Variants in ESR1 observed in about 807,000 individuals in gnomAD.
ESR1 encodes the protein estrogen receptor.
In ESR1, 12 loss-of-function variants were observed where a neutral mutation model predicts 52.7. The ratio of observed to expected loss-of-function variants is 0.23; its 90% CI spans 0.15 to 0.37. The LOEUF is 0.37. Among genes scored for constraint, ESR1 ranks in the 10% least tolerant of loss-of-function variants. The probability of loss-of-function intolerance (pLI) is 1.00; values close to 1 mark genes in which losing one functional copy is unlikely to be tolerated. For missense variants in ESR1, 584 were observed against 779.7 expected, an observed-to-expected ratio of 0.75 and a Z score of 2.99; for synonymous variants, 305 against 316.8, an observed-to-expected ratio of 0.96 and a Z score of 0.39.
At chr6:151,739,652 C>T (rs1006809146) in intron 2 of ESR1, among the ~76,000 whole-genome samples, 10 of 152,318 alleles carry the variant, frequency 6.6e-5, no homozygotes, top group South Asian at 6.2e-4. Context: ...ATGATAACCC[C>T]GAACCCCTTT....
chr6:151,672,681 C>T (rs2115259187), intron 1 of ESR1, among the ~76,000 whole-genome samples: 1 of 152,016 alleles, frequency 6.6e-6, no homozygotes, highest in South Asian at 2.1e-4. Context: ...CCATGTTGGC[C>T]ATCCTGGTCT....
exon 7 of ESR1, chr6:152,127,140 C>T (rs757505546): frequency 2.0e-5 from 3 of 152,090 alleles, no homozygotes; most frequent in Non-Finnish European, 4.4e-5. Flanking sequence ...CCTAAACTAC[C>T]TGAGGCAGCC....
intron 2 of ESR1, among the ~76,000 whole-genome samples, chr6:151,753,523 G>A (rs1379286240): frequency 6.6e-6 from 1 of 152,034 alleles, no homozygotes; most frequent in Non-Finnish European, 1.5e-5. Flanking sequence ...TCACCGTGTT[G>A]ACTAGGGTGG....
intron 1 of ESR1, among the ~76,000 whole-genome samples, chr6:151,693,548 C>T (rs1396931392): frequency 6.6e-6 from 1 of 152,204 alleles, no homozygotes; most frequent in Non-Finnish European, 1.5e-5. Context: ...GCTTCACATT[C>T]CCTTTCACAT....
intron 2 of ESR1, among the ~76,000 whole-genome samples, chr6:151,860,417 T>C (rs1263849443): frequency 6.6e-6 from 1 of 152,166 alleles, no homozygotes; most frequent in African/African-American, 2.4e-5. Flanking sequence ...TACCTCTCTA[T>C]TTTCTCCACT....
chr6:151,984,024 A>C (rs2040224683), intron 4 of ESR1: 2 of 151,942 alleles, frequency 1.3e-5, no homozygotes, highest in African/African-American at 2.4e-5. Flanking sequence ...GTTTCCACCA[A>C]CTCTCCCTGA....
Position 151,820,992 on chromosome 6 carries a change from A to G in ESR1, c.452+12628A>G, listed in dbSNP as rs59652796. ...ACAAATAACATCATAAAATCATAGT[A>G]TTGTCATCTAGGAGGGGCCTTAGAC... On this transcript the variant is annotated intron_variant, in intron 1 of 7. Coordinates refer to ENST00000206249, the MANE Select transcript of ESR1 (RefSeq NM_000125.4). Among the ~76,000 whole-genome samples, 646 of 152,250 alleles carry G rather than the reference A, an allele frequency of 4.2e-3. 2 individuals carry two copies. The highest frequency in any genetic ancestry group is 0.012 in the African/African-American group (513 of 41,546).
chr6:152,114,219 A>G (rs2051180610), intron 6 of ESR1, among the ~76,000 whole-genome samples: 1 of 152,158 alleles, frequency 6.6e-6, no homozygotes, highest in Non-Finnish European at 1.5e-5. Context: ...ACAGGTAGAG[A>G]AGCTGCCTAT....
rs748276035 is a variant in ESR1 at position 151,736,375 on chromosome 6, G to GTTCTTTTTTTTTTTTTTTT, written c.-71+34372_-71+34373insCTTTTTTTTTTTTTTTTTT. ...AAATACTTACTGTATTCCAGGTAGT[G>GTTCTTTTTTTTTTTTTTTT]TTTTTTTTTTTTTTTGAGATGGAGT... On this transcript the variant is annotated intron_variant, in intron 2 of 2. Coordinates refer to the ESR1 transcript ENST00000404742. 5.3e-4 allele frequency among the ~76,000 whole-genome samples: 60 copies of GTTCTTTTTTTTTTTTTTTT among 112,700 alleles called. 7 individuals carry two copies. Among genetic ancestry groups the GTTCTTTTTTTTTTTTTTTT allele is most frequent in the Non-Finnish European group, 5.4e-4 (31 of 57,576 alleles). The allele number at this position is 112,700 out of a possible 152,430, so 73.9% of individuals were successfully genotyped here.
upstream of ESR1, among the ~76,000 whole-genome samples, chr6:151,688,731 C>T (rs1778783256): frequency 6.6e-6 from 1 of 152,082 alleles, no homozygotes; most frequent in African/African-American, 2.4e-5. Flanking sequence ...ATTTACTTCA[C>T]ATTTACATTG....
chr6:151,668,615 A>AC (rs944569727), intron 1 of ESR1, among the ~76,000 whole-genome samples: 35 of 152,032 alleles, frequency 2.3e-4, no homozygotes, highest in African/African-American at 8.0e-4. Flanking sequence ...TTATAAGGGC[A>AC]CCTAATTTCA....
chr6:151,845,101 A>G (rs921845343), intron 2 of ESR1, among the ~76,000 whole-genome samples: 2 of 152,192 alleles, frequency 1.3e-5, no homozygotes, highest in African/African-American at 4.8e-5. Context: ...CATTTAAGAT[A>G]AAATTATATA....
intron 2 of ESR1, among the ~76,000 whole-genome samples, chr6:151,846,582 A>G (rs957752089): frequency 6.6e-6 from 1 of 152,210 alleles, no homozygotes; most frequent in Non-Finnish European, 1.5e-5. Context: ...GCTAGAAATG[A>G]GTGTACATCA....
At chr6:151,665,969 G>A (rs767716445) in intron 1 of ESR1, among the ~76,000 whole-genome samples, 11 of 152,076 alleles carry the variant, frequency 7.2e-5, no homozygotes, top group Non-Finnish European at 1.3e-4. Flanking sequence ...CTTGGGCAGG[G>A]CCTAAAGAAT....
chr6:151,878,582 C>T (rs1329040359), intron 2 of ESR1, among the ~76,000 whole-genome samples: 1 of 152,124 alleles, frequency 6.6e-6, no homozygotes, highest in Non-Finnish European at 1.5e-5. Context: ...GAACAAAGAG[C>T]TCTGTAGTTA....
chr6:151,983,100 C>T (rs2040145769), intron 4 of ESR1, among the ~76,000 whole-genome samples: 1 of 152,062 alleles, frequency 6.6e-6, no homozygotes, highest in African/African-American at 2.4e-5. Context: ...TCAATAGTCG[C>T]AGGTGGCCAG....
At chr6:151,953,695 G>A (rs1046735208) in intron 4 of ESR1, among the ~76,000 whole-genome samples, 6 of 151,524 alleles carry the variant, frequency 4.0e-5, no homozygotes, top group Non-Finnish European at 4.4e-5. Context: ...CACTCCAGCC[G>A]GAGTGAGACT....
intron 2 of ESR1, among the ~76,000 whole-genome samples, chr6:151,846,874 G>A (rs1435994830): frequency 6.6e-6 from 1 of 152,158 alleles, no homozygotes; most frequent in Non-Finnish European, 1.5e-5. Flanking sequence ...AGTTATATAA[G>A]CAGATCTGGT....
At chr6:152,002,032 G>C (rs1228256650) in intron 4 of ESR1, among the ~76,000 whole-genome samples, 2 of 151,858 alleles carry the variant, frequency 1.3e-5, no homozygotes, top group Non-Finnish European at 2.9e-5. Context: ...CAGCATTTCT[G>C]GCAATTTTAC....
Sources: allele counts gnomAD v4.1 joint callset (sites outside exome capture counted in the v4.1 genomes callset), GRCh38; gene constraint gnomAD v4.1.1; transcripts MANE v1.5; gene names NCBI Gene and HGNC (gene_info 2026-07-23, HGNC 2026-07-21).